The following AOX1 variants were observed in gnomAD, a reference collection of about 807,000 sequenced individuals.
AOX1 encodes aldehyde oxidase.
A neutral mutation model predicts 169.5 loss-of-function variants in AOX1; 153 were observed. The ratio of observed to expected loss-of-function variants is 0.90; its 90% CI spans 0.79 to 1.03. The LOEUF is 1.03. AOX1 is among the 50% of genes least tolerant of loss of function. AOX1 has a pLI of 0.00. For missense variants in AOX1, 1,656 were observed against 1,663.9 expected, an observed-to-expected ratio of 1.00 and a Z score of 0.08; for synonymous variants, 562 against 581.9, an observed-to-expected ratio of 0.97 and a Z score of 0.49.
chr2:200,608,920 T>C, intron 10 of AOX1, 64 bp from the exon 11 acceptor site: 1 of 1,464,004 alleles, frequency 6.8e-7, no homozygotes, highest in Non-Finnish European at 9.4e-7. Context: ...GTAGCTTTGG[T>C]CTAATGGACA....
rs2034208108 is a variant in AOX1 at position 200,593,084 on chromosome 2, T to C, written c.46-62T>C. On this transcript the variant is annotated intron_variant, in intron 1 of 34. Transcript: ENST00000374700. ...ATGCATTTCCCTCAAATTAGTGTGA[T>C]CCTACCAATGTGAATTTCATATTAG... The C allele has an allele frequency of 4.7e-6, 6 of 1,271,092 alleles. No individual in the cohort carries two copies. In the South Asian group the frequency reaches 7.1e-5, roughly 15 times the overall value. 78.7% of individuals were successfully genotyped at this position (1,271,092 alleles called of 1,614,324 possible).
rs927155335 is a variant in AOX1, at chr2:200,671,475, T to C, written c.*796T>C. ...CACATGCATAAATATTATGTATCAA[T>C]AAAATTTTTTAATGGGCAAAGGATT... On this transcript the variant is annotated 3_prime_UTR_variant, in exon 35 of 35. Transcript: ENST00000374700. 2 of 152,194 alleles carry C rather than the reference T, an allele frequency of 1.3e-5. No homozygotes were observed. Among genetic ancestry groups the C allele is most frequent in the Non-Finnish European group, 2.9e-5 (2 of 68,020 alleles). 9.4% of individuals were successfully genotyped at this position (152,194 alleles called of 1,614,324 possible).
chr2:200,587,554 C>G (rs1198890922), intron 1 of AOX1, among the ~76,000 whole-genome samples: 1 of 152,106 alleles, frequency 6.6e-6, no homozygotes, highest in African/African-American at 2.4e-5. Context: ...TAAAGAGGAT[C>G]CCCCAAATTG....
chr2:200,659,417 G>T lies in AOX1; in HGVS notation c.3300+124G>T, dbSNP rs866950308. The T allele has an allele frequency of 3.7e-6, 4 of 1,092,322 alleles. No homozygotes were observed. The African/African-American group carries it at 6.3e-5, about 17-fold the overall frequency. 67.7% of individuals were successfully genotyped at this position (1,092,322 alleles called of 1,614,324 possible). A position where few individuals can be genotyped will look rare whatever the true frequency, so the allele number is the denominator to read the frequency against. ...TATCTCCTTCCCCATCTTGCCCTCAGTCAGTGGTACAGCACCCAGTGGTTC... is the reference window on the plus strand; with the variant it reads ...TATCTCCTTCCCCATCTTGCCCTCATTCAGTGGTACAGCACCCAGTGGTTC... On this transcript the variant is annotated intron_variant, in intron 28 of 34. Transcript: ENST00000374700.
intron 25 of AOX1, 57 bp downstream of exon 25, chr2:200,642,858 C>T: frequency 6.6e-7 from 1 of 1,512,404 alleles, no homozygotes; most frequent in Non-Finnish European, 9.0e-7. Flanking sequence ...ACGGTAGGGC[C>T]TTTGGGGGCC....
chr2:200,657,502 T>G (rs2035719705), intron 27 of AOX1, among the ~76,000 whole-genome samples: 1 of 152,174 alleles, frequency 6.6e-6, no homozygotes, highest in South Asian at 2.1e-4. Context: ...CGAGTTGTTT[T>G]ATTGCTAAAG....
intron 28 of AOX1, among the ~76,000 whole-genome samples, chr2:200,659,784 T>TCACACACACA (rs61398097): frequency 1.4e-4 from 11 of 79,626 alleles, no homozygotes; most frequent in African/African-American, 4.5e-4. Flanking sequence ...CAGTTCTCTC[T>TCACACACACA]CTCACACACA....
chr2:200,647,732 G>A (rs1363423886), intron 25 of AOX1, among the ~76,000 whole-genome samples: 1 of 152,146 alleles, frequency 6.6e-6, no homozygotes, highest in Non-Finnish European at 1.5e-5. Flanking sequence ...TTATTCTTAA[G>A]TTTGGTTGTT....
At position 200,621,183 on chromosome 2, in the gene AOX1, T is replaced by C. The variant is rs2034880033; in HGVS notation, c.1938T>C (p.His646=). 6.2e-7 allele frequency: 1 copy of C among 1,614,130 alleles called. No homozygotes were observed. Among genetic ancestry groups the C allele is most frequent in the African/African-American group, 1.3e-5 (1 of 75,056 alleles). ...PGVVDIMTAE[H]LSDVNSFCFF... is the part of the protein sequence containing the mutation. Reference sequence around the variant, plus strand: ...TGGTGGACATCATGACAGCAGAACATCTTAGTGACGTCAACTCCTTCTGCT... The same window carrying C: ...TGGTGGACATCATGACAGCAGAACACCTTAGTGACGTCAACTCCTTCTGCT... The change falls in exon 18 of 35, where the codon CAT becomes CAC. Residue 646 remains histidine (H), a synonymous_variant. Transcript: ENST00000374700.
chr2:200,597,577 A>G, intron 4 of AOX1, 72 bp downstream of exon 4: 6 of 1,189,038 alleles, frequency 5.0e-6, no homozygotes, highest in Non-Finnish European at 7.3e-6. Context: ...CCTGAGATTA[A>G]GAGAGCGGAG....
intron 25 of AOX1, among the ~76,000 whole-genome samples, chr2:200,649,406 G>C (rs536224936): frequency 6.6e-6 from 1 of 152,314 alleles, no homozygotes; most frequent in African/African-American, 2.4e-5. Context: ...TCTGGGAGAG[G>C]AGGATCTCCC....
intron 25 of AOX1, among the ~76,000 whole-genome samples, chr2:200,647,077 G>A (rs559459942): frequency 2.7e-4 from 41 of 152,232 alleles, no homozygotes; most frequent in Non-Finnish European, 4.4e-4. Context: ...TGTTAGTATT[G>A]AAATGTGAGG....
intron 3 of AOX1, among the ~76,000 whole-genome samples, chr2:200,596,579 CTGT>C (rs963761919): frequency 1.1e-4 from 16 of 152,296 alleles, no homozygotes; most frequent in African/African-American, 3.8e-4. Context: ...GTATTTGAAT[CTGT>C]TGTTATCAGC....
chr2:200,603,767 C>CT (rs2034459796), intron 7 of AOX1, among the ~76,000 whole-genome samples: 1 of 152,204 alleles, frequency 6.6e-6, no homozygotes. Flanking sequence ...TCCTCTTCTA[C>CT]TGTCCCCAGA....
chr2:200,642,614 T>C lies in AOX1; in HGVS notation c.2660T>C (p.Ile887Thr), dbSNP rs1559251820. Residue 887 changes from isoleucine (I) to threonine (T), a missense_variant, in exon 25 of 35, where the codon ATA (isoleucine) becomes ACA (threonine). Transcript: ENST00000374700. ...GASLDESLFVIEMGLLKMDNA... is the reference protein window; with the variant it reads ...GASLDESLFVTEMGLLKMDNA... ...ATCAACTCTGGATTTCTCCAGGTGA[T>C]AGAAATGGGACTTCTGAAAATGGAC... 13 of 1,613,746 alleles carry C rather than the reference T, an allele frequency of 8.1e-6. No individual in the cohort carries two copies. The highest frequency in any genetic ancestry group is 1.3e-5 in the African/African-American group (1 of 74,934).
chr2:200,616,956 T>C (rs2034770312), intron 16 of AOX1, among the ~76,000 whole-genome samples: 1 of 152,318 alleles, frequency 6.6e-6, no homozygotes, highest in South Asian at 2.1e-4. Flanking sequence ...CCAAACTCCA[T>C]TGAAAATGAT....
chr2:200,677,883 T>C (rs1406112070), downstream of AOX1, among the ~76,000 whole-genome samples: 2 of 152,136 alleles, frequency 1.3e-5, no homozygotes, highest in Non-Finnish European at 2.9e-5. Context: ...TGTCGCACAC[T>C]CCACGTGCGG....
intron 18 of AOX1, 132 bp downstream of exon 18, chr2:200,621,378 T>C: frequency 2.5e-6 from 2 of 795,172 alleles, no homozygotes; most frequent in Non-Finnish European, 3.8e-6. Flanking sequence ...ATTATAAAAG[T>C]ATATTCTAAT....
chr2:200,656,529 A>G (rs1335338359), intron 26 of AOX1, among the ~76,000 whole-genome samples: 4 of 152,112 alleles, frequency 2.6e-5, no homozygotes, highest in Non-Finnish European at 5.9e-5. Flanking sequence ...GTGTCTATCT[A>G]TCTCATCTTA....
Sources: allele counts gnomAD v4.1 joint callset (sites outside exome capture counted in the v4.1 genomes callset), GRCh38; gene constraint gnomAD v4.1.1; transcripts MANE v1.5; gene names NCBI Gene and HGNC (gene_info 2026-07-23, HGNC 2026-07-21).